COL4A1: variants seen among roughly 807,000 people sequenced by gnomAD.
COL4A1 encodes collagen type IV alpha 1 chain, also known as collagen alpha-1(IV) chain.
Under a neutral mutation model 216.6 loss-of-function variants are expected in COL4A1, and 40 were observed. That is an observed-to-expected ratio of 0.18 (90% CI 0.14 to 0.24). The LOEUF (loss-of-function observed/expected upper bound fraction) is 0.24, where lower values mean the gene tolerates loss of function less well. Among genes scored for constraint, COL4A1 ranks in the 10% least tolerant of loss-of-function variants. COL4A1 has a pLI of 1.00. For missense variants in COL4A1, 1,628 were observed against 2,196.8 expected, an observed-to-expected ratio of 0.74 and a Z score of 5.18; for synonymous variants, 839 against 810.7, an observed-to-expected ratio of 1.03 and a Z score of -0.59.
chr13:110,170,558 G>C lies in COL4A1; in HGVS notation c.3731C>G (p.Pro1244Arg), dbSNP rs369700200. Residue 1244 changes from proline (P) to arginine (R), a missense_variant, in exon 42 of 52, where the codon CCT (proline) becomes CGT (arginine). Pro to Arg is a moderately radical substitution (Grantham distance 103, BLOSUM62 -2). This residue lies in a region of COL4A1 where 345 missense variants were observed against 476.9 expected (regional missense o/e 0.72). Transcript: ENST00000375820. ...CGAGATGCCCTTACCTGGCAGGCCAGGCTGGCCCTGAGGTCCGCGGTCTCC... is the reference window on the plus strand; with the variant it reads ...CGAGATGCCCTTACCTGGCAGGCCACGCTGGCCCTGAGGTCCGCGGTCTCC... ...PKGDRGPQGQPGLPGLPGPMG... is the reference protein window; with the variant it reads ...PKGDRGPQGQRGLPGLPGPMG... 4 of 1,602,992 alleles carry C rather than the reference G, an allele frequency of 2.5e-6. No homozygotes were observed. The highest frequency in any genetic ancestry group is 2.7e-5 in the African/African-American group (2 of 74,918).
At chr13:110,172,542 T>C (rs773440228) in intron 41 of COL4A1, among the ~76,000 whole-genome samples, 178 bp downstream of exon 41, 1 of 152,206 alleles carries the variant, frequency 6.6e-6, no homozygotes, top group Admixed American at 6.5e-5. Context: ...GATCCATTAA[T>C]TAGAAGGGAA....
intron 17 of COL4A1, among the ~76,000 whole-genome samples, chr13:110,204,189 AT>A (rs1418580741): frequency 3.9e-5 from 6 of 152,264 alleles, no homozygotes; most frequent in African/African-American, 9.6e-5. Context: ...CATATCAAAT[AT>A]TTTTATATAA....
chr13:110,218,678 C>A (rs1056243629), intron 2 of COL4A1, among the ~76,000 whole-genome samples: 2 of 152,140 alleles, frequency 1.3e-5, no homozygotes, highest in Non-Finnish European at 2.9e-5. Flanking sequence ...CAGGACAGGA[C>A]CCCCGTCGCC....
chr13:110,213,330 G>A (rs1594587390), intron 4 of COL4A1, among the ~76,000 whole-genome samples: 1 of 152,182 alleles, frequency 6.6e-6, no homozygotes, highest in Non-Finnish European at 1.5e-5. Context: ...ACATAAGGCT[G>A]CCCATGCACA....
At chr13:110,239,504 G>C (rs1361789777) in intron 2 of COL4A1, among the ~76,000 whole-genome samples, 2 of 152,192 alleles carry the variant, frequency 1.3e-5, no homozygotes, top group Non-Finnish European at 2.9e-5. Context: ...CCTGTTTAAA[G>C]AACAACCAAT....
At chr13:110,224,025 A>G (rs763770620) in intron 2 of COL4A1, among the ~76,000 whole-genome samples, 1 of 152,182 alleles carries the variant, frequency 6.6e-6, no homozygotes, top group Non-Finnish European at 1.5e-5. Flanking sequence ...AAAAATATAT[A>G]TGGAATACTA....
chr13:110,302,019 G>T (rs1884513716), intron 1 of COL4A1, among the ~76,000 whole-genome samples: 1 of 152,174 alleles, frequency 6.6e-6, no homozygotes, highest in Non-Finnish European at 1.5e-5. Context: ...GAGCTGGGAG[G>T]AGGGGCAGGG....
At chr13:110,183,641 C>T (rs990811852) in intron 26 of COL4A1, among the ~76,000 whole-genome samples, 2 of 152,210 alleles carry the variant, frequency 1.3e-5, no homozygotes, top group African/African-American at 4.8e-5. Flanking sequence ...AATACTTTTG[C>T]TGTTCTCTCT....
chr13:110,185,367 A>G (rs1268465199), intron 26 of COL4A1, among the ~76,000 whole-genome samples: 2 of 151,762 alleles, frequency 1.3e-5, no homozygotes, highest in East Asian at 3.9e-4. Flanking sequence ...GCTGGTCTCC[A>G]ATGTCTGACC....
In COL4A1 at chr13:110,197,550, A is replaced by G. The variant is rs189895334; in HGVS notation, c.1285+917T>C. Among the ~76,000 whole-genome samples, 35 of 152,294 alleles carry G rather than the reference A, an allele frequency of 2.3e-4. No individual in the cohort carries two copies. The East Asian group carries it at 6.4e-3, about 28-fold the overall frequency. ...TTCCCATGTTTCACACAATCACAAG[A>G]GCAGAGGAGAAAAGTTCCCCAAAGT... On this transcript the variant is annotated intron_variant, in intron 21 of 51. Coordinates refer to ENST00000375820, the MANE Select transcript of COL4A1 (RefSeq NM_001845.6).
intron 21 of COL4A1, 105 bp downstream of exon 21, chr13:110,198,362 A>G (rs1005270130): frequency 4.0e-6 from 5 of 1,260,152 alleles, no homozygotes; most frequent in South Asian, 1.3e-5. Flanking sequence ...ACGCCTTTCT[A>G]TTACACTCTG....
intron 1 of COL4A1, among the ~76,000 whole-genome samples, chr13:110,285,922 C>A (rs1324643229): frequency 1.3e-5 from 2 of 152,162 alleles, no homozygotes; most frequent in Non-Finnish European, 2.9e-5. Context: ...GGAAAACTGA[C>A]TCAGAGCTAC....
At chr13:110,302,551 G>T (rs73619256) in intron 1 of COL4A1, among the ~76,000 whole-genome samples, 1 of 152,092 alleles carries the variant, frequency 6.6e-6, no homozygotes, top group Non-Finnish European at 1.5e-5. Context: ...GCAGAGACAC[G>T]GAAAGAGCGC....
intron 10 of COL4A1, 145 bp downstream of exon 10, chr13:110,209,835 A>T: frequency 9.9e-7 from 1 of 1,008,112 alleles, no homozygotes; most frequent in Non-Finnish European, 1.6e-6. Context: ...CCAAACGTTT[A>T]GTAAGAGGGA....
intron 50 of COL4A1, among the ~76,000 whole-genome samples, chr13:110,154,413 G>A (rs1180170116): frequency 6.6e-6 from 1 of 152,262 alleles, no homozygotes; most frequent in Non-Finnish European, 1.5e-5. Context: ...GGTCCCAGGC[G>A]GCACTGCCCC....
chr13:110,207,389 A>G lies in COL4A1; in HGVS notation c.780+14T>C. ...ATTAGAAAATCAGTATTCACTGATG[A>G]AGCCCACTCATACCTTTTCTCCCTT... On this transcript the variant is annotated intron_variant, in intron 13 of 51. Coordinates refer to ENST00000375820, the MANE Select transcript of COL4A1 (RefSeq NM_001845.6). The surrounding 1 kb of genome is among the most constrained non-coding windows in gnomAD (Gnocchi z 4.4). 25 of 1,601,678 alleles carry G rather than the reference A, an allele frequency of 1.6e-5. No individual in the cohort carries two copies. Among genetic ancestry groups the G allele is most frequent in the Non-Finnish European group, 2.1e-5 (25 of 1,168,674 alleles).
At chr13:110,167,274 G>C (rs776060326) in intron 43 of COL4A1, 44 bp from the exon 44 acceptor site, 2 of 1,456,908 alleles carry the variant, frequency 1.4e-6, no homozygotes, top group South Asian at 1.1e-5. Context: ...AGGATATGTA[G>C]GTTAAGTCTC....
At chr13:110,166,358 A>ATG in intron 44 of COL4A1, 55 bp from the exon 45 acceptor site, 2 of 1,075,516 alleles carry the variant, frequency 1.9e-6, no homozygotes, top group East Asian at 2.4e-5. Flanking sequence ...ATATACAAAT[A>ATG]TGTGTGTGTA....
At chr13:110,261,624 A>G (rs114908974) in intron 1 of COL4A1, among the ~76,000 whole-genome samples, 133 of 152,370 alleles carry the variant, frequency 8.7e-4, no homozygotes, top group African/African-American at 3.1e-3. Context: ...GAGAGAACTC[A>G]CATCCTGCTG....
Sources: allele counts gnomAD v4.1 joint callset (sites outside exome capture counted in the v4.1 genomes callset), GRCh38; gene constraint gnomAD v4.1.1; regional missense constraint gnomAD v4.1.1; non-coding constraint Gnocchi (gnomAD v3.1); transcripts MANE v1.5; gene names NCBI Gene and HGNC (gene_info 2026-07-23, HGNC 2026-07-21).